The following ANKS1B variants were observed in gnomAD, a reference collection of about 807,000 sequenced individuals.
The protein encoded by ANKS1B is ankyrin repeat and sterile alpha motif domain containing 1B.
Under a neutral mutation model 148.3 loss-of-function variants are expected in ANKS1B, and 36 were observed. That is an observed-to-expected ratio of 0.24 (90% CI 0.19 to 0.32). The LOEUF (loss-of-function observed/expected upper bound fraction) is 0.32, where lower values mean the gene tolerates loss of function less well. Among genes scored for constraint, ANKS1B ranks in the 10% least tolerant of loss-of-function variants. ANKS1B has a pLI of 1.00. For synonymous variants in ANKS1B, 542 were observed against 560.8 expected (o/e 0.97, Z 0.47); for missense variants, 1,157 against 1,542.6 (o/e 0.75, Z 4.19).
At chr12:99,758,095 A>C (rs7398635) in intron 8 of ANKS1B, among the ~76,000 whole-genome samples, 65,855 of 151,296 alleles carry the variant, frequency 0.44, 14,664 homozygotes, top group South Asian at 0.61. Context: ...AAATAGACGT[A>C]AAAAAAGTAA....
chr12:99,526,538 A>G (rs577137750), intron 9 of ANKS1B, among the ~76,000 whole-genome samples: 1 of 152,264 alleles, frequency 6.6e-6, no homozygotes, highest in South Asian at 2.1e-4. Context: ...CATGAGAAAA[A>G]CTAATCAGAT....
chr12:99,236,374 G>A (rs1461155680), intron 14 of ANKS1B, among the ~76,000 whole-genome samples: 2 of 152,170 alleles, frequency 1.3e-5, no homozygotes, highest in African/African-American at 4.8e-5. Context: ...TCGCATGGCT[G>A]AGGAGGCCTC....
intron 10 of ANKS1B, among the ~76,000 whole-genome samples, chr12:99,450,225 G>A (rs1051593353): frequency 3.3e-5 from 5 of 152,042 alleles, no homozygotes; most frequent in African/African-American, 4.8e-5. Context: ...CCCTTTACTC[G>A]GCCTTTTTGT....
At chr12:99,682,665 A>G (rs1215691688) in intron 8 of ANKS1B, among the ~76,000 whole-genome samples, 1 of 152,220 alleles carries the variant, frequency 6.6e-6, no homozygotes, top group Non-Finnish European at 1.5e-5. Context: ...GAAAGAGCAC[A>G]TATAGACAAT....
intron 9 of ANKS1B, among the ~76,000 whole-genome samples, chr12:99,519,885 AT>A (rs1348059066): frequency 6.6e-6 from 1 of 152,180 alleles, no homozygotes; most frequent in Non-Finnish European, 1.5e-5. Flanking sequence ...ATAATCCATT[AT>A]TTTAACTGGT....
chr12:99,295,479 CAT>C (rs2080735485), intron 12 of ANKS1B, among the ~76,000 whole-genome samples: 1 of 152,210 alleles, frequency 6.6e-6, no homozygotes, highest in African/African-American at 2.4e-5. Context: ...TAATTGGAAA[CAT>C]ATTCTCCCAG....
Position 99,806,451 on chromosome 12 carries a change from C to T in ANKS1B, c.622G>A (p.Ala208Thr). The change falls in exon 4 of 27, where the codon GCA becomes ACA. Residue 208 changes from alanine (A) to threonine (T), a missense_variant. Coordinates refer to ENST00000683438, the MANE Select transcript of ANKS1B (RefSeq NM_001352186.2). ...LHLAARNGHKAVVQVLLEAGM... is the reference protein window; with the variant it reads ...LHLAARNGHKTVVQVLLEAGM... ...GCCTCCAGCAGCACCTGCACGACTG[C>T]TTTGTGGCCATTGCGCGCAGCAAGG... 4 of 1,614,010 alleles carry T rather than the reference C, an allele frequency of 2.5e-6. No individual in the cohort carries two copies. Among genetic ancestry groups the T allele is most frequent in the South Asian group, 1.1e-5 (1 of 91,084 alleles).
intron 25 of ANKS1B, among the ~76,000 whole-genome samples, chr12:98,758,983 G>T (rs1275162909): frequency 6.7e-6 from 1 of 148,158 alleles, no homozygotes; most frequent in Non-Finnish European, 1.5e-5. Flanking sequence ...GTTTCACTGT[G>T]TTGGCCAGGC....
At chr12:99,593,863 T>C (rs2097728886) in intron 9 of ANKS1B, among the ~76,000 whole-genome samples, 1 of 152,220 alleles carries the variant, frequency 6.6e-6, no homozygotes, top group South Asian at 2.1e-4. Context: ...TTCTTATTTA[T>C]AATAAATAAA....
chr12:99,561,583 G>T (rs1040246217), intron 9 of ANKS1B, among the ~76,000 whole-genome samples: 2 of 152,016 alleles, frequency 1.3e-5, no homozygotes, highest in African/African-American at 4.8e-5. Flanking sequence ...ACGTTCCTCA[G>T]GAGTTGATTT....
At chr12:99,271,064 T>C (rs2076986404) in intron 12 of ANKS1B, among the ~76,000 whole-genome samples, 1 of 152,224 alleles carries the variant, frequency 6.6e-6, no homozygotes, top group Non-Finnish European at 1.5e-5. Context: ...TCTCTTCAGT[T>C]TCACAGAGTC....
chr12:99,483,807 C>A (rs2096449491), intron 10 of ANKS1B, among the ~76,000 whole-genome samples: 1 of 151,896 alleles, frequency 6.6e-6, no homozygotes, highest in Non-Finnish European at 1.5e-5. Context: ...ACAGTAGCAT[C>A]CAATGATCTT....
chr12:99,653,047 T>C lies in ANKS1B; in HGVS notation c.1272+2020A>G, dbSNP rs115097511. Among the ~76,000 whole-genome samples the C allele has an allele frequency of 2.6e-3, 397 of 152,260 alleles. 2 individuals carry two copies. Among genetic ancestry groups the C allele is most frequent in the African/African-American group, 9.1e-3 (380 of 41,576 alleles). On this transcript the variant is annotated intron_variant, in intron 9 of 26. Coordinates refer to ENST00000683438, the MANE Select transcript of ANKS1B (RefSeq NM_001352186.2). ...AAGCTGCAGACTGGGAAAGATTTTG[T>C]GGTAAATGTAACTAGAACATCTGAG...
chr12:98,817,166 T>C (rs1385576551), intron 19 of ANKS1B, among the ~76,000 whole-genome samples: 3 of 152,166 alleles, frequency 2.0e-5, no homozygotes, highest in African/African-American at 4.8e-5. Context: ...TTCTGGATGA[T>C]AGTGCTTCTA....
At chr12:98,836,175 T>C (rs1252999663) in intron 17 of ANKS1B, among the ~76,000 whole-genome samples, 1 of 152,210 alleles carries the variant, frequency 6.6e-6, no homozygotes, top group African/African-American at 2.4e-5. Flanking sequence ...ACACTATTGG[T>C]TATGTCATCA....
rs79422404 is a variant in ANKS1B at position 99,470,734 on chromosome 12, C to T, written c.1439-26925G>A. ...AATATGTGCCAAGTATTTCATGGAGCTAATACATTTTACTCAAAATGTCAG... is the reference window on the plus strand; with the variant it reads ...AATATGTGCCAAGTATTTCATGGAGTTAATACATTTTACTCAAAATGTCAG... On this transcript the variant is annotated intron_variant, in intron 10 of 26. Coordinates refer to ENST00000683438, the MANE Select transcript of ANKS1B (RefSeq NM_001352186.2). Among the ~76,000 whole-genome samples, 820 of 152,140 alleles carry T rather than the reference C, an allele frequency of 5.4e-3. 33 individuals are homozygous for T. In the South Asian group the frequency reaches 0.063, roughly 12 times the overall value.
At chr12:99,886,391 A>C (rs1167008520) in intron 1 of ANKS1B, among the ~76,000 whole-genome samples, 1 of 152,250 alleles carries the variant, frequency 6.6e-6, no homozygotes, top group Admixed American at 6.5e-5. Context: ...TATTCTGTAC[A>C]TATTTTTAAA....
intron 8 of ANKS1B, among the ~76,000 whole-genome samples, chr12:99,731,184 T>A (rs983862412): frequency 1.3e-5 from 2 of 152,152 alleles, no homozygotes; most frequent in African/African-American, 4.8e-5. Flanking sequence ...AGTGGCACGA[T>A]CTCGGCTCAC....
intron 1 of ANKS1B, among the ~76,000 whole-genome samples, chr12:99,832,373 A>G (rs1289458588): frequency 6.6e-6 from 1 of 152,044 alleles, no homozygotes; most frequent in Non-Finnish European, 1.5e-5. Flanking sequence ...GGATCACCTG[A>G]GGTCAGGAGA....
Sources: gnomAD v4.1 joint callset for allele counts (sites outside exome capture counted in the v4.1 genomes callset) on GRCh38, gnomAD v4.1.1 for gene constraint, MANE v1.5 for transcripts, NCBI Gene and HGNC (gene_info 2026-07-23, HGNC 2026-07-21) for gene names.